The following OPTN variants were observed in gnomAD, a reference collection of about 807,000 sequenced individuals.
The protein encoded by OPTN is E3-14.7K-interacting protein.
OPTN carries 54 observed loss-of-function variants against 70.4 expected under a neutral mutation model. That is an observed-to-expected ratio of 0.77 (90% CI 0.62 to 0.96). OPTN has a LOEUF of 0.96. Ranked by LOEUF, OPTN falls within the 40% of genes least tolerant of loss-of-function variation. The pLI, the probability that OPTN is intolerant of heterozygous loss-of-function variation, is 0.00. For synonymous variants in OPTN, 256 were observed against 248.5 expected, an observed-to-expected ratio of 1.03 and a Z score of -0.28; for missense variants, 624 against 673.2, an observed-to-expected ratio of 0.93 and a Z score of 0.81.
intron 7 of OPTN, among the ~76,000 whole-genome samples, chr10:13,119,985 T>C (rs930288752): frequency 6.1e-5 from 9 of 146,742 alleles, no homozygotes; most frequent in East Asian, 6.1e-4. Context: ...TTCTTTCTTT[T>C]TTTTTTTTTT....
At chr10:13,110,792 ATTG>A (rs1832979781) in intron 4 of OPTN, among the ~76,000 whole-genome samples, 1 of 152,214 alleles carries the variant, frequency 6.6e-6, no homozygotes, top group Non-Finnish European at 1.5e-5. Context: ...AGAACCAACA[ATTG>A]TTTTTAGTTT....
intron 11 of OPTN, 32 bp downstream of exon 11, chr10:13,126,071 T>C (rs1833453240): frequency 1.6e-6 from 2 of 1,264,484 alleles, no homozygotes; most frequent in Admixed American, 1.7e-5. Flanking sequence ...TTCCATAGCC[T>C]AGTAATGAAC....
At chr10:13,119,409 C>A (rs7095146) in intron 7 of OPTN, among the ~76,000 whole-genome samples, 66,734 of 152,030 alleles carry the variant, frequency 0.44, 15,359 homozygotes, top group East Asian at 0.53. Context: ...TGCTGAATAA[C>A]CTTCCATTGT....
chr10:13,113,761 A>T (rs942486144), intron 5 of OPTN, among the ~76,000 whole-genome samples: 1 of 152,184 alleles, frequency 6.6e-6, no homozygotes, highest in Non-Finnish European at 1.5e-5. Flanking sequence ...CATATCTGAT[A>T]CAGGAAAAGG....
chr10:13,126,403 C>CCCGAGTAGCT lies in OPTN; in HGVS notation c.1242+365_1242+374dup, dbSNP rs367636895. Reference sequence around the variant, plus strand: ...TCACGCCATTCTCCTGCCTCAGCCTCCCGAGTAGCTGGGACTACAGGCGCC... The same window carrying CCCGAGTAGCT: ...TCACGCCATTCTCCTGCCTCAGCCTCCCGAGTAGCTCCGAGTAGCTGGGACTACAGGCGCC... On this transcript the variant is annotated intron_variant, in intron 11 of 14. Transcript: ENST00000378747. Among the ~76,000 whole-genome samples, 1,004 of 151,680 alleles carry CCCGAGTAGCT rather than the reference C, an allele frequency of 6.6e-3. 5 individuals are homozygous for CCCGAGTAGCT. The highest frequency in any genetic ancestry group is 0.022 in the African/African-American group (896 of 41,174).
chr10:13,101,310 A>C (rs890884607), intron 1 of OPTN, among the ~76,000 whole-genome samples: 2 of 152,230 alleles, frequency 1.3e-5, no homozygotes, highest in East Asian at 3.8e-4. Context: ...TACGTACAAC[A>C]CAATAAAAGT....
At chr10:13,132,021 G>T in intron 12 of OPTN, 46 bp from the exon 13 acceptor site, 1 of 1,591,334 alleles carries the variant, frequency 6.3e-7, no homozygotes. Context: ...GTAAGAATCT[G>T]CATTCATCTA....
rs761751878 is a variant in OPTN, at chr10:13,118,988, G to C, written c.727G>C (p.Gly243Arg). 3 of 1,613,984 alleles carry C rather than the reference G, an allele frequency of 1.9e-6. No homozygotes were observed. Among genetic ancestry groups the C allele is most frequent in the African/African-American group, 2.7e-5 (2 of 74,898 alleles). The change falls in exon 7 of 15, where the codon GGG (glycine) becomes CGG (arginine). Residue 243 changes from glycine to arginine, a missense_variant. By Grantham distance (125) the Gly-to-Arg change is moderately radical. Transcript: ENST00000378747. ...CCAGCTCCTGCTGTGCCTAAGGGAAGGGAATCAGAAGGTGGAGAGACTTGA... is the reference window on the plus strand; with the variant it reads ...CCAGCTCCTGCTGTGCCTAAGGGAACGGAATCAGAAGGTGGAGAGACTTGA... ...VSQLLLCLRE[G>R]NQKVERLEVA...
In OPTN at chr10:13,128,932, G is replaced by A. The variant is rs151012985; in HGVS notation, c.1401+1029G>A. On this transcript the variant is annotated intron_variant, in intron 12 of 14. Coordinates refer to ENST00000378747, the MANE Select transcript of OPTN (RefSeq NM_001008212.2). ...TTTGCCTTTTCACTCTCATAAAGGT[G>A]TCATTTGAGGAACAAAAGTTCTTAG... Among the ~76,000 whole-genome samples, 161 of 152,176 alleles carry A rather than the reference G, an allele frequency of 1.1e-3. 1 individual carries two copies. In the East Asian group the frequency reaches 0.025, roughly 23 times the overall value.
chr10:13,125,555 CAG>C lies in OPTN; in HGVS notation c.1139_1140del (p.Glu380GlyfsTer2), dbSNP rs777030011. ...GAAATCAAAATGGAACAGGCTAAAA[CAG>C]AGGATGAAAAGTGAGTATGTTGAGT... On this transcript the variant is annotated frameshift_variant, in exon 10 of 15. Transcript: ENST00000378747. LOFTEE classifies it high-confidence loss of function. 2 of 1,614,080 alleles carry C rather than the reference CAG, an allele frequency of 1.2e-6. No individual in the cohort carries two copies. Among genetic ancestry groups the C allele is most frequent in the Non-Finnish European group, 1.7e-6 (2 of 1,180,014 alleles).
At chr10:13,106,643 G>C (rs1192091365) in intron 1 of OPTN, among the ~76,000 whole-genome samples, 1 of 152,204 alleles carries the variant, frequency 6.6e-6, no homozygotes, top group Non-Finnish European at 1.5e-5. Flanking sequence ...TTACCTACAA[G>C]TTCCTCACAC....
At chr10:13,105,906 C>T (rs111994456) in intron 1 of OPTN, among the ~76,000 whole-genome samples, 1 of 145,198 alleles carries the variant, frequency 6.9e-6, no homozygotes, top group Non-Finnish European at 1.5e-5. Flanking sequence ...GAGACTCTGT[C>T]TGAAAAAAAA....
At chr10:13,134,111 C>T (rs1026116696) in intron 14 of OPTN, among the ~76,000 whole-genome samples, 6 of 152,170 alleles carry the variant, frequency 3.9e-5, no homozygotes, top group Non-Finnish European at 8.8e-5. Flanking sequence ...ACCCGGCCTA[C>T]AGCCACACTT....
chr10:13,121,500 T>TAAAAAA lies in OPTN; in HGVS notation c.780-863_780-858dup, dbSNP rs200687404. Among the ~76,000 whole-genome samples, 19 of 90,874 alleles carry TAAAAAA rather than the reference T, an allele frequency of 2.1e-4. 1 individual carries two copies. Among genetic ancestry groups the TAAAAAA allele is most frequent in the South Asian group, 1.4e-3 (3 of 2,218 alleles). The allele number at this position is 90,874 out of a possible 152,430, so 59.6% of individuals were successfully genotyped here. A position where few individuals can be genotyped will look rare whatever the true frequency, so the allele number is the denominator to read the frequency against. On this transcript the variant is annotated intron_variant, in intron 7 of 14. Transcript: ENST00000378747. Reference sequence around the variant, plus strand: ...TTCTTTTTCTTGCCTGATTATCCTGTAAAAAAAAAAAAAAAAAAAAAAAAA... The same window carrying TAAAAAA: ...TTCTTTTTCTTGCCTGATTATCCTGTAAAAAAAAAAAAAAAAAAAAAAAAAAAAAAA...
intron 11 of OPTN, among the ~76,000 whole-genome samples, chr10:13,127,418 G>A (rs1313918839): frequency 6.6e-6 from 1 of 152,206 alleles, no homozygotes; most frequent in East Asian, 1.9e-4. Flanking sequence ...GTTTGTTATT[G>A]TATCCCTGAT....
At chr10:13,121,857 A>G (rs1161683786) in intron 7 of OPTN, among the ~76,000 whole-genome samples, 1 of 152,130 alleles carries the variant, frequency 6.6e-6, no homozygotes, top group Non-Finnish European at 1.5e-5. Flanking sequence ...AAAAAATTGC[A>G]TGCATCTGTT....
At chr10:13,108,328 A>G (rs942608021) in intron 2 of OPTN, 39 bp downstream of exon 2, 4 of 152,208 alleles carry the variant, frequency 2.6e-5, no homozygotes, top group Non-Finnish European at 5.9e-5. Context: ...CTTTCTTCTT[A>G]ACCAAAAACA....
rs1248712954 is a variant in OPTN, at chr10:13,110,458, A to G, written c.351A>G (p.Lys117=). 3 of 1,613,698 alleles carry G rather than the reference A, an allele frequency of 1.9e-6. No individual in the cohort carries two copies. Among genetic ancestry groups the G allele is most frequent in the Non-Finnish European group, 2.5e-6 (3 of 1,179,816 alleles). The change falls in exon 4 of 15, where the codon AAA becomes AAG. Residue 117 remains lysine, a synonymous_variant. Coordinates refer to ENST00000378747, the MANE Select transcript of OPTN (RefSeq NM_001008212.2). ...AAGAGCTTGGAAAACTAAAAGGGAA[A>G]TCAGAAAGGTCATCTGAGGTGAGCA... The part of the protein sequence containing the change: ...LKEELGKLKG[K]SERSSEDPTD...
chr10:13,109,630 A>C, intron 3 of OPTN: 1 of 239,824 alleles, frequency 4.2e-6, no homozygotes. Flanking sequence ...GTTCAAGACC[A>C]GCCTGGGCAA....
Sources: allele counts gnomAD v4.1 joint callset (sites outside exome capture counted in the v4.1 genomes callset), GRCh38; gene constraint gnomAD v4.1.1; transcripts MANE v1.5; gene names NCBI Gene and HGNC (gene_info 2026-07-23, HGNC 2026-07-21).